Variants in AGAP1 observed in about 807,000 individuals in gnomAD.
The protein encoded by AGAP1 is ArfGAP with GTPase domain, ankyrin repeat and PH domain 1, also known as arf-GAP with GTPase, ANK repeat and PH domain-containing protein 1.
Under a neutral mutation model 105.3 loss-of-function variants are expected in AGAP1, and 29 were observed. That is an observed-to-expected ratio of 0.28 (90% CI 0.21 to 0.38). The LOEUF is 0.38. Ranked by LOEUF, AGAP1 falls within the 10% of genes least tolerant of loss-of-function variation. The pLI, the probability that AGAP1 is intolerant of heterozygous loss-of-function variation, is 1.00. For synonymous variants in AGAP1, 509 were observed against 485.9 expected (o/e 1.05, Z -0.63); for missense variants, 998 against 1,165.1 (o/e 0.86, Z 2.09).
intron 9 of AGAP1, among the ~76,000 whole-genome samples, chr2:235,850,452 T>G (rs780788886): frequency 1.3e-5 from 2 of 152,150 alleles, no homozygotes; most frequent in African/African-American, 2.4e-5. Flanking sequence ...ACCTCTGCAT[T>G]ATGCACCCTG....
chr2:235,995,129 A>G (rs1042727367), intron 13 of AGAP1, among the ~76,000 whole-genome samples: 8 of 149,708 alleles, frequency 5.3e-5, no homozygotes, highest in African/African-American at 2.0e-4. Flanking sequence ...ATTCTGTACC[A>G]CAGTAGTAAA....
At chr2:236,059,840 C>A (rs2058142266) in intron 16 of AGAP1, among the ~76,000 whole-genome samples, 1 of 152,322 alleles carries the variant, frequency 6.6e-6, no homozygotes, top group East Asian at 1.9e-4. Flanking sequence ...ACCTGTAATC[C>A]TAGCACTTTG....
rs140669102 is a variant in AGAP1 at position 235,737,797 on chromosome 2, C to T, written c.311-3166C>T. The stretch of plus-strand genomic sequence containing the variant: ...CACTGGCGTTGCAGGGCCCCTGGGA[C>T]AGGCTCCACTCCTCCCTTCTTGCTC... On this transcript the variant is annotated intron_variant, in intron 3 of 17. Coordinates refer to ENST00000304032, the MANE Select transcript of AGAP1 (RefSeq NM_001037131.3). The surrounding 1 kb of genome is among the most constrained non-coding windows in gnomAD (Gnocchi z 4.5). 8.5e-4 allele frequency among the ~76,000 whole-genome samples: 129 copies of T among 152,210 alleles called. 3 individuals carry two copies. In the East Asian group the frequency reaches 0.02, roughly 24 times the overall value.
chr2:235,851,296 C>T (rs927780491), intron 9 of AGAP1, among the ~76,000 whole-genome samples: 3 of 152,198 alleles, frequency 2.0e-5, no homozygotes, highest in Non-Finnish European at 2.9e-5. Flanking sequence ...GGGAGGGAAA[C>T]GTGGCTCCAC....
chr2:235,897,599 A>G (rs1057480264), intron 10 of AGAP1, among the ~76,000 whole-genome samples: 2 of 152,062 alleles, frequency 1.3e-5, no homozygotes, highest in East Asian at 1.9e-4. Flanking sequence ...TTTGTACCCA[A>G]TTGATAACAT....
chr2:235,546,139 A>C (rs1462221806), intron 1 of AGAP1, among the ~76,000 whole-genome samples: 1 of 152,226 alleles, frequency 6.6e-6, no homozygotes, highest in Non-Finnish European at 1.5e-5. Context: ...GACAGCTGTC[A>C]TCAAAGCAGG....
At position 235,962,127 on chromosome 2, in the gene AGAP1, G is replaced by A. The variant is rs986980663; in HGVS notation, c.1484-6335G>A. Among the ~76,000 whole-genome samples the A allele has an allele frequency of 4.6e-5, 7 of 152,174 alleles. No homozygotes were observed. Among genetic ancestry groups the A allele is most frequent in the African/African-American group, 1.7e-4 (7 of 41,450 alleles). On this transcript the variant is annotated intron_variant, in intron 12 of 17. Transcript: ENST00000304032. The surrounding 1 kb of genome is among the most constrained non-coding windows in gnomAD (Gnocchi z 5.3). ...GAGGTCATCGTGAGGATGGTGTGGG[G>A]CGTGGGGTGTTTGAAGCGGGAGGAG...
intron 9 of AGAP1, among the ~76,000 whole-genome samples, chr2:235,873,603 G>A (rs1312258625): frequency 2.6e-5 from 4 of 152,180 alleles, no homozygotes; most frequent in African/African-American, 9.6e-5. Context: ...GCTTTCCCAG[G>A]ATTGGGGCCC....
intron 1 of AGAP1, among the ~76,000 whole-genome samples, chr2:235,525,552 C>T (rs929271607): frequency 1.2e-4 from 18 of 151,582 alleles, no homozygotes; most frequent in Admixed American, 5.3e-4. Flanking sequence ...AAGTAGAGGA[C>T]TGATTTATAA....
At chr2:235,575,081 C>T (rs1052814770) in intron 1 of AGAP1, among the ~76,000 whole-genome samples, 3 of 152,076 alleles carry the variant, frequency 2.0e-5, no homozygotes, top group Non-Finnish European at 4.4e-5. Context: ...CACGATCGTA[C>T]CACTGCACTC....
chr2:235,756,511 G>C (rs981823302), intron 6 of AGAP1, among the ~76,000 whole-genome samples: 3 of 152,122 alleles, frequency 2.0e-5, no homozygotes, highest in African/African-American at 7.2e-5. Flanking sequence ...TCTTCTCCAA[G>C]CAGCTCGATG....
At position 235,789,772 on chromosome 2, in the gene AGAP1, G is replaced by T. The variant is rs56062711; in HGVS notation, c.674-7987G>T. Among the ~76,000 whole-genome samples the T allele has an allele frequency of 0.24, 36,149 of 152,068 alleles. 4,915 individuals carry two copies. Among genetic ancestry groups the T allele is most frequent in the Admixed American group, 0.39 (5,965 of 15,270 alleles). ...CTCCTGCTGGCTTGCTTGGGGCATG[G>T]CATGTCCTAATGACTTACTCGAGCA... On this transcript the variant is annotated intron_variant, in intron 6 of 17. Coordinates refer to ENST00000304032, the MANE Select transcript of AGAP1 (RefSeq NM_001037131.3). This position sits in a 1 kb window ranked among gnomAD's most constrained non-coding sequence, Gnocchi z 4.2.
In AGAP1 at chr2:236,090,053, T is replaced by C. The variant is rs919454424; in HGVS notation, c.2115-30139T>C. On this transcript the variant is annotated intron_variant, in intron 16 of 17. Coordinates refer to ENST00000304032, the MANE Select transcript of AGAP1 (RefSeq NM_001037131.3). The surrounding 1 kb of genome is among the most constrained non-coding windows in gnomAD (Gnocchi z 4.3). ...TACAGAAGTTTTGAGGTGAGTGGAG[T>C]TGCAGGGAGGAGCACGTGTTTACCA... is the stretch of plus-strand genomic sequence containing the variant. 1.3e-5 allele frequency among the ~76,000 whole-genome samples: 2 copies of C among 152,016 alleles called. No homozygotes were observed. Among genetic ancestry groups the C allele is most frequent in the African/African-American group, 4.8e-5 (2 of 41,376 alleles).
In AGAP1 at chr2:236,076,682, CTTAATAA is replaced by C. The variant is rs147615029; in HGVS notation, c.2114+27404_2114+27410del. On this transcript the variant is annotated intron_variant, in intron 16 of 17. Transcript: ENST00000304032. This position sits in a 1 kb window ranked among gnomAD's most constrained non-coding sequence, Gnocchi z 4.4. ...AAATTACAGAGGCTTCTTTGTGGCA[CTTAATAA>C]TTTCCCAAACCACTAAAGAGGGAAG... 3.3e-3 allele frequency among the ~76,000 whole-genome samples: 509 copies of C among 152,252 alleles called. 4 individuals are homozygous for C. Among genetic ancestry groups the C allele is most frequent in the African/African-American group, 0.012 (497 of 41,546 alleles).
At chr2:235,835,223 A>G (rs902104001) in intron 9 of AGAP1, among the ~76,000 whole-genome samples, 37 of 152,218 alleles carry the variant, frequency 2.4e-4, no homozygotes, top group African/African-American at 7.7e-4. Flanking sequence ...TTCAGTTGCA[A>G]TCTTCAGTGG....
In AGAP1 at chr2:235,717,662, C is replaced by T. The variant is rs754958124; in HGVS notation, c.310+18C>T. The stretch of plus-strand genomic sequence containing the variant: ...TCCGGAAGGTATGCTGTTTGGCAGG[C>T]AGTTGCAAACTTAAGAATGTAGTTT... On this transcript the variant is annotated intron_variant, in intron 3 of 17. Coordinates refer to ENST00000304032, the MANE Select transcript of AGAP1 (RefSeq NM_001037131.3). The T allele has an allele frequency of 1.9e-6, 3 of 1,585,934 alleles. No individual in the cohort carries two copies. Among genetic ancestry groups the T allele is most frequent in the Non-Finnish European group, 2.6e-6 (3 of 1,168,682 alleles).
intron 1 of AGAP1, among the ~76,000 whole-genome samples, chr2:235,591,020 A>G (rs1211391435): frequency 1.5e-5 from 2 of 135,658 alleles, no homozygotes; most frequent in East Asian, 4.5e-4. Context: ...CGCCCGGCCT[A>G]TATTTTTAAT....
chr2:235,553,561 ATC>A lies in AGAP1; in HGVS notation c.163+58718_163+58719del, dbSNP rs1943880801. 6.6e-6 allele frequency among the ~76,000 whole-genome samples: 1 copy of A among 152,172 alleles called. No individual in the cohort carries two copies. The highest frequency in any genetic ancestry group is 2.1e-4 in the South Asian group (1 of 4,826). On this transcript the variant is annotated intron_variant, in intron 1 of 17. Coordinates refer to ENST00000304032, the MANE Select transcript of AGAP1 (RefSeq NM_001037131.3). This position sits in a 1 kb window ranked among gnomAD's most constrained non-coding sequence, Gnocchi z 4.5. ...CAATATTAAGAAGGCGAGTCCACGC[ATC>A]TCTCTGGCCTGTTGGCTCACATTTG...
intron 6 of AGAP1, chr2:235,773,841 AAAAG>A (rs1955647515): frequency 2.3e-6 from 1 of 435,438 alleles, no homozygotes; most frequent in Admixed American, 3.0e-5. Flanking sequence ...TTGCACCAAA[AAAAG>A]AAAAAAATCT....
Sources: gnomAD v4.1 joint callset for allele counts (sites outside exome capture counted in the v4.1 genomes callset) on GRCh38, gnomAD v4.1.1 for gene constraint, Gnocchi (gnomAD v3.1) non-coding constraint, MANE v1.5 for transcripts, NCBI Gene and HGNC (gene_info 2026-07-23, HGNC 2026-07-21) for gene names.